The following SLC41A1 variants were observed in gnomAD, a reference collection of about 807,000 sequenced individuals.
SLC41A1 encodes solute carrier family 41 (magnesium transporter), member 1.
A neutral mutation model predicts 47.3 loss-of-function variants in SLC41A1; 20 were observed. That is an observed-to-expected ratio of 0.42 (90% CI 0.30 to 0.61). The LOEUF (loss-of-function observed/expected upper bound fraction) is 0.61. Among genes scored for constraint, SLC41A1 ranks in the 20% least tolerant of loss-of-function variants. The pLI, the probability that SLC41A1 is intolerant of heterozygous loss-of-function variation, is 0.17. For missense variants in SLC41A1, 504 were observed against 674.1 expected (o/e 0.75, Z 2.79); for synonymous variants, 282 against 272.7 (o/e 1.03, Z -0.34).
At chr1:205,803,334 T>A (rs907142098) in intron 2 of SLC41A1, among the ~76,000 whole-genome samples, 1 of 152,152 alleles carries the variant, frequency 6.6e-6, no homozygotes, top group East Asian at 1.9e-4. Context: ...TCCAAAAGAA[T>A]AGAAAGCAAG....
intron 4 of SLC41A1, among the ~76,000 whole-genome samples, 177 bp from the exon 5 acceptor site, chr1:205,799,278 A>C (rs901246407): frequency 1.3e-5 from 2 of 152,228 alleles, no homozygotes; most frequent in Admixed American, 6.5e-5. Flanking sequence ...GGTTCACACC[A>C]GCCACTAGTA....
At chr1:205,799,945 C>G in intron 3 of SLC41A1, 115 bp from the exon 4 acceptor site, 1 of 836,810 alleles carries the variant, frequency 1.2e-6, no homozygotes, top group African/African-American at 1.7e-5. Context: ...ACTCTGAGAG[C>G]AGGACCTGAC....
At chr1:205,803,412 C>T (rs1347268556) in intron 2 of SLC41A1, among the ~76,000 whole-genome samples, 1 of 152,126 alleles carries the variant, frequency 6.6e-6, no homozygotes, top group Non-Finnish European at 1.5e-5. Context: ...GAGGTGGAAG[C>T]AACCCAAATG....
At chr1:205,801,219 A>G in intron 2 of SLC41A1, 159 bp from the exon 3 acceptor site, 1 of 636,546 alleles carries the variant, frequency 1.6e-6, no homozygotes, top group South Asian at 1.8e-5. Flanking sequence ...AACCAAACCA[A>G]GCCCATGATT....
At chr1:205,798,636 G>A (rs1655801068) in intron 6 of SLC41A1, 33 bp downstream of exon 6, 1 of 1,614,058 alleles carries the variant, frequency 6.2e-7, no homozygotes, top group Non-Finnish European at 8.5e-7. Flanking sequence ...ACCCCACCCA[G>A]GACTCCAAGA....
chr1:205,800,090 C>T (rs1571644384), intron 3 of SLC41A1, among the ~76,000 whole-genome samples: 1 of 152,216 alleles, frequency 6.6e-6, no homozygotes, highest in Non-Finnish European at 1.5e-5. Flanking sequence ...AGGACACCAG[C>T]TGAGCAGAGG....
In SLC41A1 at chr1:205,803,630, T is replaced by C. The variant is rs529013512; in HGVS notation, c.373-2570A>G. 1.1e-3 allele frequency among the ~76,000 whole-genome samples: 96 copies of C among 89,082 alleles called. 1 individual carries two copies. Among genetic ancestry groups the C allele is most frequent in the African/African-American group, 3.4e-3 (92 of 27,040 alleles). 58.4% of individuals were successfully genotyped at this position (89,082 alleles called of 152,430 possible). On this transcript the variant is annotated intron_variant, in intron 2 of 10. Transcript: ENST00000367137. ...ATCTGAGGTATCCAAAGTAGTCAAA[T>C]TCTTTTTTTTTTTTTTTTTTTTCTT... is the stretch of plus-strand genomic sequence containing the variant.
chr1:205,793,858 A>G (rs2102500315), intron 10 of SLC41A1, among the ~76,000 whole-genome samples: 1 of 152,358 alleles, frequency 6.6e-6, no homozygotes, highest in South Asian at 2.1e-4. Context: ...AGAAAGGGAT[A>G]ATACTGATGG....
At chr1:205,800,132 C>T (rs572663194) in intron 3 of SLC41A1, among the ~76,000 whole-genome samples, 54 of 152,338 alleles carry the variant, frequency 3.5e-4, no homozygotes, top group African/African-American at 1.3e-3. Flanking sequence ...CTTATCTGGG[C>T]AGCCCATTCC....
chr1:205,806,159 C>T (rs780539933), intron 2 of SLC41A1, among the ~76,000 whole-genome samples: 4 of 152,192 alleles, frequency 2.6e-5, no homozygotes, highest in East Asian at 1.9e-4. Context: ...CCTGGATATA[C>T]GGTGCAGGAC....
At position 205,813,065 on chromosome 1, in the gene SLC41A1, C is replaced by T. The variant is rs1656200696; in HGVS notation, c.-904G>A. Reference sequence around the variant, plus strand: ...GGTGGCCGGGGAGGGCAGGATATATCGCTTCGGGCCCGGCGGGGGGGCACC... The same window carrying T: ...GGTGGCCGGGGAGGGCAGGATATATTGCTTCGGGCCCGGCGGGGGGGCACC... On this transcript the variant is annotated 5_prime_UTR_variant, in exon 1 of 11. Transcript: ENST00000367137. 1.4e-5 allele frequency: 14 copies of T among 985,402 alleles called. No homozygotes were observed. The highest frequency in any genetic ancestry group is 4.7e-5 in the South Asian group (1 of 21,292). The allele number at this position is 985,402 out of a possible 1,614,324, so 61.0% of individuals were successfully genotyped here. A position where few individuals can be genotyped will look rare whatever the true frequency, so the allele number is the denominator to read the frequency against.
rs1259124654 is a variant in SLC41A1, at chr1:205,795,458, C to T, written c.1093G>A (p.Ala365Thr). ...GTGGAGATGCGGCTGGCCTGCACTG[C>T]CACCAGATTGCCCCCAACACCTGCA... ...VINGVGGNLV[A>T]VQASRISTFL... Residue 365 changes from alanine to threonine, a missense_variant, in exon 9 of 11, where the codon GCA (alanine) becomes ACA (threonine). This residue lies in a region of SLC41A1 where 421 missense variants were observed against 601.6 expected (regional missense o/e 0.70). Coordinates refer to ENST00000367137, the MANE Select transcript of SLC41A1 (RefSeq NM_173854.6). 1.2e-6 allele frequency: 2 copies of T among 1,614,176 alleles called. No homozygotes were observed. Among genetic ancestry groups the T allele is most frequent in the Admixed American group, 1.7e-5 (1 of 60,026 alleles).
In SLC41A1 at chr1:205,791,771, C is replaced by T; in HGVS notation, c.1357-53G>A. 1 of 1,597,606 alleles carries T rather than the reference C, an allele frequency of 6.3e-7. No individual in the cohort carries two copies. The highest frequency in any genetic ancestry group is 8.5e-7 in the Non-Finnish European group (1 of 1,171,834). ...AGCCATCCTCTCTCTCCAGGGGGAG[C>T]CAGAGGCCACATGATCAGACCCATT... On this transcript the variant is annotated intron_variant, in intron 10 of 10. Coordinates refer to ENST00000367137, the MANE Select transcript of SLC41A1 (RefSeq NM_173854.6). This position sits in a 1 kb window ranked among gnomAD's most constrained non-coding sequence, Gnocchi z 4.0.
chr1:205,807,028 C>T (rs1656029508), intron 2 of SLC41A1, among the ~76,000 whole-genome samples: 1 of 152,056 alleles, frequency 6.6e-6, no homozygotes, highest in Non-Finnish European at 1.5e-5. Flanking sequence ...CACTCCATAG[C>T]CAGCTTCTCC....
rs373732036 is a variant in SLC41A1, at chr1:205,797,009, G to C, written c.993-6C>G. ...CCAAGATGAGGCCTCCCACACTATA[G>C]AGACATAAAGACAAAATGACGCAAA... On this transcript the variant is annotated splice_region_variant and splice_polypyrimidine_tract_variant and intron_variant, in intron 7 of 10. Transcript: ENST00000367137. 6.3e-7 allele frequency: 1 copy of C among 1,592,032 alleles called. No homozygotes were observed.
chr1:205,803,099 T>A (rs377657869), intron 2 of SLC41A1, among the ~76,000 whole-genome samples: 2 of 151,132 alleles, frequency 1.3e-5, no homozygotes, highest in African/African-American at 4.9e-5. Flanking sequence ...AACTTGGGAG[T>A]TGGAGGTTGC....
rs1655675649 is a variant in SLC41A1, at chr1:205,793,674, G to C, written c.1356+1196C>G. Among the ~76,000 whole-genome samples the C allele has an allele frequency of 2.6e-5, 4 of 152,302 alleles. No individual in the cohort carries two copies. The South Asian group carries it at 8.3e-4, about 32-fold the overall frequency. ...ATATGATGGAGCTGTAAGAAAATCA[G>C]GGTGTTGTTCTCTTTATGTATTGAT... On this transcript the variant is annotated intron_variant, in intron 10 of 10. Transcript: ENST00000367137.
Position 205,809,394 on chromosome 1 carries a change from G to A in SLC41A1, c.372+676C>T, listed in dbSNP as rs188169417. 8.5e-5 allele frequency among the ~76,000 whole-genome samples: 13 copies of A among 152,322 alleles called. 1 individual carries two copies. The East Asian group carries it at 1.4e-3, about 16-fold the overall frequency. ...AGAATGACAGGTGAGGAGCAAAGAGGAGAGACAGTTCTGCCCAGGCCTAGT... is the reference window on the plus strand; with the variant it reads ...AGAATGACAGGTGAGGAGCAAAGAGAAGAGACAGTTCTGCCCAGGCCTAGT... On this transcript the variant is annotated intron_variant, in intron 2 of 10. Transcript: ENST00000367137.
intron 2 of SLC41A1, among the ~76,000 whole-genome samples, chr1:205,808,321 G>C (rs796258371): frequency 4.6e-5 from 7 of 152,178 alleles, no homozygotes; most frequent in African/African-American, 1.7e-4. Context: ...GGTTAGTGGT[G>C]TGGGCTCTAG....
Sources: gnomAD v4.1 joint callset for allele counts (sites outside exome capture counted in the v4.1 genomes callset) on GRCh38, gnomAD v4.1.1 for gene constraint, gnomAD v4.1.1 regional missense constraint, Gnocchi (gnomAD v3.1) non-coding constraint, MANE v1.5 for transcripts, NCBI Gene and HGNC (gene_info 2026-07-23, HGNC 2026-07-21) for gene names.